The following SPOCK3 variants were observed in gnomAD, a reference collection of about 807,000 sequenced individuals.
SPOCK3 encodes SPARC (osteonectin), cwcv and kazal like domains proteoglycan 3.
In SPOCK3, 30 loss-of-function variants were observed where a neutral mutation model predicts 56.6. The ratio of observed to expected loss-of-function variants is 0.53; its 90% CI spans 0.40 to 0.72. The LOEUF is 0.72. Ranked by LOEUF, SPOCK3 falls within the 30% of genes least tolerant of loss-of-function variation. The pLI is 0.00. For synonymous variants in SPOCK3, 196 were observed against 183.3 expected, an observed-to-expected ratio of 1.07 and a Z score of -0.56; for missense variants, 527 against 530.0, an observed-to-expected ratio of 0.99 and a Z score of 0.06.
chr4:166,954,118 C>T (rs11731174), intron 4 of SPOCK3, among the ~76,000 whole-genome samples: 55,699 of 151,916 alleles, frequency 0.37, 11,566 homozygotes, highest in East Asian at 0.67. Context: ...AGTATATTGC[C>T]CATTTTTAAA....
intron 2 of SPOCK3, among the ~76,000 whole-genome samples, chr4:167,216,463 C>T (rs892356865): frequency 2.0e-5 from 3 of 152,016 alleles, no homozygotes; most frequent in African/African-American, 7.2e-5. Flanking sequence ...CAAGACTAGC[C>T]TAAGGGATGG....
At position 166,754,676 on chromosome 4, in the gene SPOCK3, T is replaced by C. The variant is rs1736835812; in HGVS notation, c.763A>G (p.Asn255Asp). 1.2e-6 allele frequency: 2 copies of C among 1,613,710 alleles called. No individual in the cohort carries two copies. Among genetic ancestry groups the C allele is most frequent in the East Asian group, 4.5e-5 (2 of 44,852 alleles). Residue 255 changes from asparagine (N) to aspartate (D), a missense_variant, in exon 8 of 11, where the codon AAC becomes GAC. By Grantham distance (23) the Asn-to-Asp change is conservative (BLOSUM62 1). Transcript: ENST00000357545. ...AGGTCATAGTTTGTATCAAGTCTGTTAAACATCCAGCCAAGTGAGTCCTTG... is the reference window on the plus strand; with the variant it reads ...AGGTCATAGTTTGTATCAAGTCTGTCAAACATCCAGCCAAGTGAGTCCTTG... ...ICKDSLGWMFNRLDTNYDLLL... is the reference protein window; with the variant it reads ...ICKDSLGWMFDRLDTNYDLLL...
At chr4:167,178,917 A>G (rs1231684298) in intron 2 of SPOCK3, among the ~76,000 whole-genome samples, 1 of 152,170 alleles carries the variant, frequency 6.6e-6, no homozygotes, top group Non-Finnish European at 1.5e-5. Context: ...TAAAATGACA[A>G]TTTTTATAAG....
chr4:167,107,651 G>C (rs1459556644), intron 2 of SPOCK3, among the ~76,000 whole-genome samples: 1 of 151,682 alleles, frequency 6.6e-6, no homozygotes, highest in Non-Finnish European at 1.5e-5. Flanking sequence ...GATTGTAAGG[G>C]AAAAAGTCAA....
At chr4:166,765,355 A>G (rs1737857800) in intron 7 of SPOCK3, among the ~76,000 whole-genome samples, 1 of 152,184 alleles carries the variant, frequency 6.6e-6, no homozygotes, top group African/African-American at 2.4e-5. Context: ...TCTTGAATTA[A>G]TTTTTGTATA....
intron 6 of SPOCK3, among the ~76,000 whole-genome samples, chr4:166,864,516 CA>C (rs1374133207): frequency 2.6e-5 from 4 of 151,730 alleles, no homozygotes; most frequent in Admixed American, 6.6e-5. Context: ...AAAAGATTAA[CA>C]AAATACATAG....
At chr4:166,900,547 C>G (rs545258232) in intron 5 of SPOCK3, among the ~76,000 whole-genome samples, 108 of 152,266 alleles carry the variant, frequency 7.1e-4, no homozygotes, top group Non-Finnish European at 1.3e-3. Context: ...GAGAATTTCT[C>G]TTTACTTTCC....
chr4:166,925,405 C>T (rs902838892), intron 4 of SPOCK3, among the ~76,000 whole-genome samples: 3 of 151,880 alleles, frequency 2.0e-5, no homozygotes, highest in Admixed American at 6.6e-5. Context: ...CCCAAATCAA[C>T]AAAAAAGAGA....
intron 2 of SPOCK3, among the ~76,000 whole-genome samples, chr4:167,084,272 G>A (rs891406950): frequency 6.6e-6 from 1 of 152,016 alleles, no homozygotes; most frequent in Admixed American, 6.6e-5. Context: ...CATAATCTCT[G>A]TCAACCTCCA....
intron 2 of SPOCK3, among the ~76,000 whole-genome samples, chr4:167,109,218 AT>A (rs1426289825): frequency 1.2e-5 from 1 of 84,250 alleles, no homozygotes; most frequent in African/African-American, 4.8e-5. Context: ...TATATTATAT[AT>A]AGTATATAAT....
At chr4:167,117,083 T>A (rs1761490743) in intron 2 of SPOCK3, among the ~76,000 whole-genome samples, 2 of 151,422 alleles carry the variant, frequency 1.3e-5, no homozygotes, top group Non-Finnish European at 2.9e-5. Context: ...AAAACTGGAA[T>A]GCTCCCAACA....
intron 6 of SPOCK3, among the ~76,000 whole-genome samples, chr4:166,830,856 A>T (rs1279530623): frequency 2.0e-5 from 3 of 152,200 alleles, no homozygotes; most frequent in Non-Finnish European, 4.4e-5. Context: ...AAAAAGCTAG[A>T]GAACTTCCTC....
At chr4:166,956,991 C>T (rs1743569538) in intron 4 of SPOCK3, among the ~76,000 whole-genome samples, 1 of 152,178 alleles carries the variant, frequency 6.6e-6, no homozygotes, top group Non-Finnish European at 1.5e-5. Context: ...TGGTGGCTTA[C>T]ACCTGTAATC....
chr4:166,859,171 T>A lies in SPOCK3; in HGVS notation c.589+29959A>T, dbSNP rs532543770. On this transcript the variant is annotated intron_variant, in intron 6 of 10. Transcript: ENST00000357545. ...AATAGGCTATACCATATAGCCTAGA[T>A]GTGCAGCAGGCTATGCCATCTAGGT... Among the ~76,000 whole-genome samples the A allele has an allele frequency of 3.9e-5, 6 of 152,314 alleles. No individual in the cohort carries two copies. In the East Asian group the frequency reaches 1.2e-3, roughly 29 times the overall value.
chr4:167,203,389 C>T (rs971765089), intron 2 of SPOCK3, among the ~76,000 whole-genome samples: 3 of 151,698 alleles, frequency 2.0e-5, no homozygotes, highest in Non-Finnish European at 4.4e-5. Flanking sequence ...CTTTTGGATG[C>T]CATTACAGCA....
intron 3 of SPOCK3, among the ~76,000 whole-genome samples, chr4:167,004,785 A>G (rs1460963798): frequency 3.3e-5 from 5 of 152,192 alleles, no homozygotes; most frequent in Non-Finnish European, 5.9e-5. Context: ...CCACTGAACA[A>G]TAAATAAGAT....
At chr4:166,980,601 T>C (rs1746469138) in intron 4 of SPOCK3, among the ~76,000 whole-genome samples, 1 of 152,220 alleles carries the variant, frequency 6.6e-6, no homozygotes, top group African/African-American at 2.4e-5. Flanking sequence ...TGCAGGGTGC[T>C]TGCATGAGCA....
At chr4:166,928,277 G>A (rs1739345653) in intron 4 of SPOCK3, among the ~76,000 whole-genome samples, 1 of 152,210 alleles carries the variant, frequency 6.6e-6, no homozygotes, top group African/African-American at 2.4e-5. Flanking sequence ...CTTGCAGACA[G>A]ATGTTTATAG....
intron 2 of SPOCK3, among the ~76,000 whole-genome samples, chr4:167,156,363 G>A (rs912215369): frequency 1.3e-5 from 2 of 152,108 alleles, no homozygotes; most frequent in Non-Finnish European, 2.9e-5. Flanking sequence ...AACTTAGAAC[G>A]CTTCCAGATC....
Sources: allele counts gnomAD v4.1 joint callset (sites outside exome capture counted in the v4.1 genomes callset), GRCh38; gene constraint gnomAD v4.1.1; transcripts MANE v1.5; gene names NCBI Gene and HGNC (gene_info 2026-07-23, HGNC 2026-07-21).